The following TMEM74 variants were observed in gnomAD, a reference collection of about 807,000 sequenced individuals.
The protein encoded by TMEM74 is transmembrane protein 74.
In TMEM74, 13 loss-of-function variants were observed where a neutral mutation model predicts 18.1. The observed-to-expected ratio is 0.72, with a 90% CI of 0.47 to 1.14. The LOEUF is 1.14. Ranked by LOEUF, TMEM74 falls within the 50% of genes most tolerant of loss-of-function variation. The pLI, the probability that TMEM74 is intolerant of heterozygous loss-of-function variation, is 0.00. For synonymous variants in TMEM74, 159 were observed against 146.6 expected, an observed-to-expected ratio of 1.08 and a Z score of -0.61; for missense variants, 372 against 375.9, an observed-to-expected ratio of 0.99 and a Z score of 0.09.
At chr8:108,683,918 C>T (rs1813140573) in intron 1 of TMEM74, among the ~76,000 whole-genome samples, 1 of 152,036 alleles carries the variant, frequency 6.6e-6, no homozygotes, top group Non-Finnish European at 1.5e-5. Flanking sequence ...CATGCTGCTG[C>T]AAGTGACAGA....
In TMEM74 at chr8:108,630,779, A is replaced by G. The variant is rs369378058; in HGVS notation, n.265-21953T>C. ...GAAATCAAAAAGTTCTTTGAAACTA[A>G]TGAGAAAAAAGAGACAATGTACCAG... On this transcript the variant is annotated intron_variant and non_coding_transcript_variant, in intron 2 of 3. Coordinates refer to the TMEM74 transcript ENST00000518838. 2.5e-4 allele frequency among the ~76,000 whole-genome samples: 38 copies of G among 152,194 alleles called. 1 individual carries two copies. The South Asian group carries it at 4.4e-3, about 17-fold the overall frequency.
intron 2 of TMEM74, among the ~76,000 whole-genome samples, chr8:108,639,557 A>C (rs764907561): frequency 8.5e-5 from 13 of 152,280 alleles, no homozygotes; most frequent in Middle Eastern, 3.4e-3. Context: ...ATGTGGCATC[A>C]CAGGACATTA....
intron 1 of TMEM74, among the ~76,000 whole-genome samples, chr8:108,731,885 C>T (rs771065196): frequency 1.9e-4 from 29 of 152,038 alleles, no homozygotes; most frequent in Non-Finnish European, 2.8e-4. Flanking sequence ...TGAGAATCTA[C>T]ACCACATAAA....
intron 2 of TMEM74, among the ~76,000 whole-genome samples, chr8:108,639,330 C>T (rs1812638987): frequency 6.6e-6 from 1 of 152,130 alleles, no homozygotes; most frequent in African/African-American, 2.4e-5. Flanking sequence ...TGCTTCCAGA[C>T]TGTTTGACTC....
chr8:108,784,927 AC>A lies in TMEM74; in HGVS notation c.171del (p.Ser58LeufsTer36). On this transcript the variant is annotated frameshift_variant, in exon 2 of 2. Transcript: ENST00000297459. LOFTEE classifies it high-confidence loss of function. ...ASTPRATEME[G>X]SKLSSSPASP... ...GATGCTGGAGAAGAACTAAGTTTAG[AC>A]CCTTCCATCTCGGTTGCTCTTGGGG... The A allele has an allele frequency of 6.2e-7, 1 of 1,613,714 alleles. No individual in the cohort carries two copies. The highest frequency in any genetic ancestry group is 8.5e-7 in the Non-Finnish European group (1 of 1,179,918).
chr8:108,651,004 C>T (rs1166979851), intron 2 of TMEM74, among the ~76,000 whole-genome samples: 1 of 152,144 alleles, frequency 6.6e-6, no homozygotes, highest in African/African-American at 2.4e-5. Flanking sequence ...AGCCACCACA[C>T]CTCGCTCACT....
chr8:108,712,727 G>T (rs921986748), intron 1 of TMEM74, among the ~76,000 whole-genome samples: 2 of 152,134 alleles, frequency 1.3e-5, no homozygotes, highest in Admixed American at 1.3e-4. Context: ...GTGTGCGTGT[G>T]TGTGTGTGTG....
intron 1 of TMEM74, among the ~76,000 whole-genome samples, chr8:108,657,896 A>G (rs1188658736): frequency 3.3e-5 from 4 of 123,060 alleles, no homozygotes; most frequent in African/African-American, 1.2e-4. Context: ...ATATATATAT[A>G]TATATATTAA....
At chr8:108,705,916 G>T (rs1339324192) in intron 1 of TMEM74, among the ~76,000 whole-genome samples, 4 of 152,184 alleles carry the variant, frequency 2.6e-5, no homozygotes, top group Admixed American at 6.5e-5. Flanking sequence ...GGATGTTCAT[G>T]TTCTGTGGAG....
intron 1 of TMEM74, among the ~76,000 whole-genome samples, chr8:108,717,664 T>A (rs1329566409): frequency 6.6e-6 from 1 of 152,050 alleles, no homozygotes; most frequent in Non-Finnish European, 1.5e-5. Flanking sequence ...GAGATGCCAT[T>A]GGAACAGGGA....
intron 1 of TMEM74, among the ~76,000 whole-genome samples, chr8:108,748,494 A>C (rs887922087): frequency 2.0e-5 from 3 of 151,858 alleles, no homozygotes; most frequent in Non-Finnish European, 4.4e-5. Flanking sequence ...AGATTGTAAA[A>C]ATTTTCTCAC....
intron 1 of TMEM74, among the ~76,000 whole-genome samples, chr8:108,734,217 C>T (rs1813723625): frequency 6.6e-6 from 1 of 152,122 alleles, no homozygotes; most frequent in African/African-American, 2.4e-5. Flanking sequence ...CACACTTTTC[C>T]CGCCCTTAGA....
At chr8:108,626,210 A>G (rs1257637742) in intron 2 of TMEM74, among the ~76,000 whole-genome samples, 1 of 152,032 alleles carries the variant, frequency 6.6e-6, no homozygotes, top group Non-Finnish European at 1.5e-5. Context: ...TAATACATTT[A>G]TTTTCTATAA....
rs1814411919 is a variant in TMEM74, at chr8:108,787,577, TGCAC to T, written c.-145_-142del. On this transcript the variant is annotated 5_prime_UTR_variant, in exon 1 of 2. Coordinates refer to ENST00000297459, the MANE Select transcript of TMEM74 (RefSeq NM_153015.3). ...CACCAGCTACGGCACTTGTAGCCTC[TGCAC>T]GCCGCTCGGCTCCGCCGGGTGGGCA... 1 of 150,510 alleles carries T rather than the reference TGCAC, an allele frequency of 6.6e-6. No individual in the cohort carries two copies. Among genetic ancestry groups the T allele is most frequent in the South Asian group, 2.2e-4 (1 of 4,552 alleles). The allele number at this position is 150,510 out of a possible 1,614,324, so 9.3% of individuals were successfully genotyped here.
At chr8:108,617,746 C>T (rs1210742609) in intron 2 of TMEM74, among the ~76,000 whole-genome samples, 3 of 151,966 alleles carry the variant, frequency 2.0e-5, no homozygotes, top group Non-Finnish European at 4.4e-5. Context: ...GAATCAAGTC[C>T]TCAGAGAAGG....
At chr8:108,616,523 A>G (rs10095871) in intron 2 of TMEM74, among the ~76,000 whole-genome samples, 17,566 of 152,148 alleles carry the variant, frequency 0.12, 1,466 homozygotes, top group East Asian at 0.43. Flanking sequence ...TAAATAGGCA[A>G]TTCTGATATA....
chr8:108,749,093 T>C (rs1813879920), intron 1 of TMEM74, among the ~76,000 whole-genome samples: 1 of 152,188 alleles, frequency 6.6e-6, no homozygotes. Context: ...TCCAGTTTTG[T>C]TCTTTTTGCT....
intron 1 of TMEM74, among the ~76,000 whole-genome samples, chr8:108,756,661 A>AG (rs1813972652): frequency 1.2e-5 from 1 of 86,422 alleles, no homozygotes; most frequent in African/African-American, 5.9e-5. Flanking sequence ...AGAAAGAAAG[A>AG]AAGAAAGAAA....
At chr8:108,709,459 A>G (rs1337363604) in intron 1 of TMEM74, among the ~76,000 whole-genome samples, 1 of 152,202 alleles carries the variant, frequency 6.6e-6, no homozygotes, top group Non-Finnish European at 1.5e-5. Context: ...TTCTACTTAC[A>G]TGAGGTATCT....
Sources: gnomAD v4.1 joint callset for allele counts (sites outside exome capture counted in the v4.1 genomes callset) on GRCh38, gnomAD v4.1.1 for gene constraint, MANE v1.5 for transcripts, NCBI Gene and HGNC (gene_info 2026-07-23, HGNC 2026-07-21) for gene names.